The following TNR variants were observed in gnomAD, a reference collection of about 807,000 sequenced individuals.
The protein encoded by TNR is tenascin-R.
A neutral mutation model predicts 150.4 loss-of-function variants in TNR; 45 were observed. The observed-to-expected ratio is 0.30, with a 90% CI of 0.24 to 0.38. The LOEUF is 0.38. Ranked by LOEUF, TNR falls within the 10% of genes least tolerant of loss-of-function variation. The pLI is 1.00. For missense variants in TNR, 1,544 were observed against 1,759.1 expected (o/e 0.88, Z 2.19); for synonymous variants, 687 against 678.4 (o/e 1.01, Z -0.20).
chr1:175,610,461 T>G (rs1215113736), intron 1 of TNR, among the ~76,000 whole-genome samples: 2 of 152,240 alleles, frequency 1.3e-5, no homozygotes, highest in Non-Finnish European at 2.9e-5. Flanking sequence ...AACCAAACTT[T>G]AGTTAAGCTT....
intron 2 of TNR, among the ~76,000 whole-genome samples, chr1:175,465,088 C>T (rs914668355): frequency 2.4e-4 from 37 of 152,182 alleles, no homozygotes; most frequent in African/African-American, 8.7e-4. Context: ...AGGTGGCATC[C>T]ACCCAGGCAT....
chr1:175,484,355 C>G (rs1657924252), intron 2 of TNR, among the ~76,000 whole-genome samples: 1 of 152,152 alleles, frequency 6.6e-6, no homozygotes, highest in Non-Finnish European at 1.5e-5. Flanking sequence ...TTCTGTGATT[C>G]TTGCTGTGTT....
At chr1:175,631,036 G>A (rs1263196561) in intron 1 of TNR, among the ~76,000 whole-genome samples, 6 of 152,198 alleles carry the variant, frequency 3.9e-5, no homozygotes, top group Non-Finnish European at 7.3e-5. Flanking sequence ...GGAAGGATGT[G>A]GGTCAGCGGG....
intron 1 of TNR, among the ~76,000 whole-genome samples, chr1:175,589,641 T>C (rs1051075220): frequency 2.0e-5 from 3 of 152,214 alleles, no homozygotes; most frequent in African/African-American, 7.2e-5. Flanking sequence ...ATGTGGCACA[T>C]ATACACCATG....
At chr1:175,563,532 T>C (rs1661513141) in intron 1 of TNR, among the ~76,000 whole-genome samples, 1 of 152,198 alleles carries the variant, frequency 6.6e-6, no homozygotes, top group Non-Finnish European at 1.5e-5. Flanking sequence ...TTTCTCCCTT[T>C]GCTTAGCCTC....
At chr1:175,643,670 C>T (rs989449197) in intron 1 of TNR, among the ~76,000 whole-genome samples, 6 of 152,178 alleles carry the variant, frequency 3.9e-5, no homozygotes, top group African/African-American at 1.4e-4. Context: ...TAATTATTTT[C>T]CTTCCTCTTT....
intron 1 of TNR, among the ~76,000 whole-genome samples, chr1:175,598,673 A>C (rs1663106986): frequency 6.6e-6 from 1 of 152,264 alleles, no homozygotes; most frequent in South Asian, 2.1e-4. Flanking sequence ...AGGTACATTT[A>C]GGAGAAGTAT....
intron 1 of TNR, among the ~76,000 whole-genome samples, chr1:175,735,196 A>G (rs905574389): frequency 5.9e-5 from 9 of 152,040 alleles, no homozygotes; most frequent in African/African-American, 2.2e-4. Context: ...CCAGCTGGAC[A>G]TCTCTCCTCC....
intron 22 of TNR, among the ~76,000 whole-genome samples, chr1:175,323,881 C>A (rs1391334243): frequency 6.6e-6 from 1 of 152,072 alleles, no homozygotes; most frequent in Non-Finnish European, 1.5e-5. Flanking sequence ...TTTTGGTTTG[C>A]CTAGAACTGA....
chr1:175,646,721 A>G (rs1664820322), intron 1 of TNR, among the ~76,000 whole-genome samples: 1 of 152,218 alleles, frequency 6.6e-6, no homozygotes, highest in South Asian at 2.1e-4. Flanking sequence ...GGCAGCAATC[A>G]GTCAATGGAC....
rs757505492 is a variant in TNR, at chr1:175,379,554, G to C, written c.1961C>G (p.Thr654Arg). 4.3e-6 allele frequency: 7 copies of C among 1,612,758 alleles called. 1 individual carries two copies. The South Asian group carries it at 4.4e-5, about 10-fold the overall frequency. ...GIGPTTRATLTDLVPGTEYGV... is the reference protein window; with the variant it reads ...GIGPTTRATLRDLVPGTEYGV... ...CCCAAGAGATAGGTCTTACTCACCT[G>C]TCAGGGTGGCCCTGGTGGTTGGACC... is the stretch of plus-strand genomic sequence containing the variant. The change falls in exon 9 of 23, where the codon ACA (threonine) becomes AGA (arginine). Residue 654 changes from threonine (T) to arginine (R), a missense_variant and splice_region_variant. By Grantham distance (71) the Thr-to-Arg change is moderately conservative (BLOSUM62 -1). Coordinates refer to ENST00000367674, the MANE Select transcript of TNR (RefSeq NM_003285.3).
intron 1 of TNR, among the ~76,000 whole-genome samples, chr1:175,606,848 C>A (rs1558034825): frequency 6.6e-6 from 1 of 152,196 alleles, no homozygotes; most frequent in Non-Finnish European, 1.5e-5. Flanking sequence ...AGCCCAGCAA[C>A]ATGGGGTCAA....
At chr1:175,576,299 G>A (rs1440098057) in intron 1 of TNR, among the ~76,000 whole-genome samples, 4 of 152,170 alleles carry the variant, frequency 2.6e-5, no homozygotes, top group African/African-American at 7.2e-5. Context: ...TGAAAGAGAT[G>A]CAAAGTCAGG....
chr1:175,550,828 A>G (rs914590032), intron 1 of TNR, among the ~76,000 whole-genome samples: 1 of 152,132 alleles, frequency 6.6e-6, no homozygotes, highest in African/African-American at 2.4e-5. Context: ...ACAACAAAAT[A>G]GGATCCTACT....
intron 1 of TNR, among the ~76,000 whole-genome samples, chr1:175,563,015 T>A (rs1661491711): frequency 1.3e-5 from 2 of 152,190 alleles, no homozygotes; most frequent in African/African-American, 4.8e-5. Context: ...GCATGATTGA[T>A]CCCATAACCC....
chr1:175,326,662 CTTTTA>C (rs1349138057), intron 21 of TNR, among the ~76,000 whole-genome samples: 3 of 152,040 alleles, frequency 2.0e-5, no homozygotes, highest in Non-Finnish European at 4.4e-5. Flanking sequence ...TTTCCTTTTT[CTTTTA>C]TTTATTTATT....
At chr1:175,413,865 G>C (rs1344342659) in intron 2 of TNR, among the ~76,000 whole-genome samples, 2 of 152,168 alleles carry the variant, frequency 1.3e-5, no homozygotes, top group African/African-American at 4.8e-5. Flanking sequence ...GGGCACAGTG[G>C]TTCATGCCTG....
chr1:175,396,834 A>G, intron 4 of TNR, 27 bp from the exon 5 acceptor site: 1 of 1,601,326 alleles, frequency 6.2e-7, no homozygotes, highest in Non-Finnish European at 8.5e-7. Flanking sequence ...CACAGATAGC[A>G]TGAGCTCAGA....
intron 1 of TNR, among the ~76,000 whole-genome samples, chr1:175,550,737 A>G (rs1660906422): frequency 6.6e-6 from 1 of 152,026 alleles, no homozygotes; most frequent in South Asian, 2.1e-4. Flanking sequence ...AAAAAATCAA[A>G]ACAAAGAAGA....
Sources: allele counts gnomAD v4.1 joint callset (sites outside exome capture counted in the v4.1 genomes callset), GRCh38; gene constraint gnomAD v4.1.1; transcripts MANE v1.5; gene names NCBI Gene and HGNC (gene_info 2026-07-23, HGNC 2026-07-21).